ST6GALNAC3: variants seen among roughly 807,000 people sequenced by gnomAD.
ST6GALNAC3 encodes alpha-N-acetylgalactosaminide alpha-2,6-sialyltransferase 3.
In ST6GALNAC3, 25 loss-of-function variants were observed where a neutral mutation model predicts 32.7. That is an observed-to-expected ratio of 0.76 (90% CI 0.56 to 1.07). The LOEUF is 1.07. Ranked by LOEUF, ST6GALNAC3 falls within the 50% of genes least tolerant of loss-of-function variation. ST6GALNAC3 has a pLI of 0.00. For synonymous variants in ST6GALNAC3, 129 were observed against 133.1 expected, an observed-to-expected ratio of 0.97 and a Z score of 0.21; for missense variants, 355 against 382.4, an observed-to-expected ratio of 0.93 and a Z score of 0.60.
intron 3 of ST6GALNAC3, among the ~76,000 whole-genome samples, chr1:76,450,764 A>G (rs1444434669): frequency 6.6e-6 from 1 of 152,150 alleles, no homozygotes; most frequent in Non-Finnish European, 1.5e-5. Flanking sequence ...TCATTCTTCT[A>G]CATGTGGTTT....
intron 2 of ST6GALNAC3, among the ~76,000 whole-genome samples, chr1:76,359,529 A>T (rs187821899): frequency 1.8e-4 from 27 of 152,308 alleles, no homozygotes; most frequent in Non-Finnish European, 3.2e-4. Flanking sequence ...CCTGGAATAG[A>T]TTCTTCCCTA....
At chr1:76,520,283 A>T (rs1368242813) in intron 3 of ST6GALNAC3, among the ~76,000 whole-genome samples, 3 of 152,180 alleles carry the variant, frequency 2.0e-5, no homozygotes, top group African/African-American at 7.2e-5. Flanking sequence ...AGAGAGACAC[A>T]TAAAGGGCCC....
At chr1:76,403,675 T>C (rs1343574298) in intron 2 of ST6GALNAC3, among the ~76,000 whole-genome samples, 1 of 152,104 alleles carries the variant, frequency 6.6e-6, no homozygotes, top group East Asian at 1.9e-4. Context: ...ATATTCCTAG[T>C]TGAGTGACAT....
At chr1:76,406,885 G>T (rs906294691) in intron 2 of ST6GALNAC3, among the ~76,000 whole-genome samples, 1 of 151,914 alleles carries the variant, frequency 6.6e-6, no homozygotes, top group East Asian at 1.9e-4. Context: ...ATGAATTAAG[G>T]TAACTTGAAA....
Position 76,289,650 on chromosome 1 carries a change from C to A in ST6GALNAC3, c.19-24155C>A, listed in dbSNP as rs527593489. Reference sequence around the variant, plus strand: ...TCCAGAAACCCCTGGGTTGCACCAACCCCATTAAGTTGGACCTGATGAAGC... The same window carrying A: ...TCCAGAAACCCCTGGGTTGCACCAAACCCATTAAGTTGGACCTGATGAAGC... On this transcript the variant is annotated intron_variant, in intron 1 of 4. Coordinates refer to ENST00000328299, the MANE Select transcript of ST6GALNAC3 (RefSeq NM_152996.4). Among the ~76,000 whole-genome samples, 5 of 152,296 alleles carry A rather than the reference C, an allele frequency of 3.3e-5. No homozygotes were observed. In the South Asian group the frequency reaches 1.0e-3, roughly 32 times the overall value.
At chr1:76,236,436 C>T (rs756387330) in intron 1 of ST6GALNAC3, among the ~76,000 whole-genome samples, 1 of 152,142 alleles carries the variant, frequency 6.6e-6, no homozygotes, top group Non-Finnish European at 1.5e-5. Context: ...AGGGTTTGCT[C>T]TAATTATTAT....
chr1:76,275,895 A>C (rs899482299), intron 1 of ST6GALNAC3, among the ~76,000 whole-genome samples: 1 of 152,224 alleles, frequency 6.6e-6, no homozygotes, highest in Non-Finnish European at 1.5e-5. Flanking sequence ...GGTTTGATTC[A>C]GCGGTTCAAC....
intron 1 of ST6GALNAC3, among the ~76,000 whole-genome samples, chr1:76,199,736 A>C (rs1654415430): frequency 6.6e-6 from 1 of 152,216 alleles, no homozygotes; most frequent in African/African-American, 2.4e-5. Context: ...TTCATGCTTA[A>C]AAAATTCAGC....
intron 3 of ST6GALNAC3, among the ~76,000 whole-genome samples, chr1:76,476,279 C>T (rs146242835): frequency 1.4e-4 from 21 of 152,264 alleles, no homozygotes; most frequent in Middle Eastern, 3.4e-3. Flanking sequence ...AGGCCACATA[C>T]GATCTCTATC....
chr1:76,078,169 T>C (rs183895621), intron 1 of ST6GALNAC3, among the ~76,000 whole-genome samples: 18 of 152,328 alleles, frequency 1.2e-4, no homozygotes, highest in African/African-American at 4.1e-4. Context: ...GTGCCAACTT[T>C]GTTCTGTGGG....
intron 1 of ST6GALNAC3, among the ~76,000 whole-genome samples, chr1:76,075,140 G>A (rs971218560): frequency 7.9e-5 from 12 of 152,246 alleles, no homozygotes; most frequent in African/African-American, 2.9e-4. Flanking sequence ...CTCCAGGGGA[G>A]AGCAGGGCTG....
At chr1:76,131,523 C>T (rs1649608590) in intron 1 of ST6GALNAC3, among the ~76,000 whole-genome samples, 3 of 152,116 alleles carry the variant, frequency 2.0e-5, no homozygotes, top group African/African-American at 7.2e-5. Context: ...TACCAGTCTC[C>T]AGAATAAGCT....
intron 1 of ST6GALNAC3, among the ~76,000 whole-genome samples, chr1:76,225,922 T>G (rs1270186188): frequency 6.6e-6 from 1 of 152,186 alleles, no homozygotes; most frequent in Non-Finnish European, 1.5e-5. Flanking sequence ...TTCACACACC[T>G]GTCACCCAAA....
At chr1:76,487,589 G>A (rs1395768341) in intron 3 of ST6GALNAC3, among the ~76,000 whole-genome samples, 1 of 152,080 alleles carries the variant, frequency 6.6e-6, no homozygotes, top group Non-Finnish European at 1.5e-5. Flanking sequence ...GGTCATTTAA[G>A]GACTTCTCTA....
intron 1 of ST6GALNAC3, among the ~76,000 whole-genome samples, chr1:76,192,790 C>A (rs1401414582): frequency 6.6e-6 from 1 of 152,104 alleles, no homozygotes; most frequent in East Asian, 1.9e-4. Flanking sequence ...TCATAGACTC[C>A]CAGGTGTCCT....
intron 3 of ST6GALNAC3, among the ~76,000 whole-genome samples, chr1:76,417,573 AG>A (rs1247078474): frequency 5.3e-5 from 8 of 152,296 alleles, no homozygotes; most frequent in African/African-American, 1.9e-4. Flanking sequence ...CATATGCAAA[AG>A]GAATGTTAAC....
intron 1 of ST6GALNAC3, among the ~76,000 whole-genome samples, chr1:76,168,830 T>C (rs1041552478): frequency 6.6e-6 from 1 of 152,050 alleles, no homozygotes; most frequent in Non-Finnish European, 1.5e-5. Flanking sequence ...TCCCTTTATT[T>C]TGAGCCTATG....
At chr1:76,506,686 C>T (rs1274297714) in intron 3 of ST6GALNAC3, among the ~76,000 whole-genome samples, 3 of 152,098 alleles carry the variant, frequency 2.0e-5, no homozygotes, top group African/African-American at 4.8e-5. Context: ...TAATAAAGGG[C>T]GTTTCAGGTT....
chr1:76,354,554 T>C (rs534363852), intron 2 of ST6GALNAC3, among the ~76,000 whole-genome samples: 2 of 152,368 alleles, frequency 1.3e-5, no homozygotes, highest in African/African-American at 4.8e-5. Flanking sequence ...AGGTTTGCTG[T>C]ATTTAGAAGT....
Sources: allele counts gnomAD v4.1 joint callset (sites outside exome capture counted in the v4.1 genomes callset), GRCh38; gene constraint gnomAD v4.1.1; transcripts MANE v1.5; gene names NCBI Gene and HGNC (gene_info 2026-07-23, HGNC 2026-07-21).